ITGA3: variants seen among roughly 807,000 people sequenced by gnomAD.
ITGA3 encodes integrin subunit alpha 3, also known as integrin alpha-3.
Under a neutral mutation model 131.1 loss-of-function variants are expected in ITGA3, and 70 were observed. The ratio of observed to expected loss-of-function variants is 0.53; its 90% CI spans 0.44 to 0.65. The LOEUF is 0.65. ITGA3 is among the 30% of genes least tolerant of loss of function. The pLI, the probability that ITGA3 is intolerant of heterozygous loss-of-function variation, is 0.00. For synonymous variants in ITGA3, 537 were observed against 571.6 expected (o/e 0.94, Z 0.86); for missense variants, 1,098 against 1,388.6 (o/e 0.79, Z 3.33).
At chr17:50,075,431 C>A in intron 10 of ITGA3, 28 bp from the exon 11 acceptor site, 1 of 1,612,854 alleles carries the variant, frequency 6.2e-7, no homozygotes, top group Non-Finnish European at 8.5e-7. Context: ...CCCACTGTGA[C>A]CCGCCCTCCT....
At chr17:50,069,262 G>T (rs1908505296) in intron 4 of ITGA3, among the ~76,000 whole-genome samples, 1 of 152,192 alleles carries the variant, frequency 6.6e-6, no homozygotes, top group Non-Finnish European at 1.5e-5. Flanking sequence ...ATGAAACCTG[G>T]ATTGGAATAC....
rs764402692 is a variant in ITGA3, at chr17:50,088,384, C to A, written c.*31+18C>A. On this transcript the variant is annotated intron_variant, in intron 25 of 25. Coordinates refer to ENST00000320031, the MANE Select transcript of ITGA3 (RefSeq NM_002204.4). ...CCACCTGGGTAACACGGCCTCCGGG[C>A]CCCCTTCCCCGAGCCCCACAGCTGG... 7.3e-7 allele frequency: 1 copy of A among 1,370,142 alleles called. No individual in the cohort carries two copies. 84.9% of individuals were successfully genotyped at this position (1,370,142 alleles called of 1,614,324 possible).
rs370814972 is a variant in ITGA3, at chr17:50,075,634, C to A, written c.1573C>A (p.Arg525=). The A allele has an allele frequency of 6.2e-7, 1 of 1,614,230 alleles. No homozygotes were observed. The highest frequency in any genetic ancestry group is 8.5e-7 in the Non-Finnish European group (1 of 1,180,048). ...CACTCTGGAGGCTGACAGGGACCGC[C>A]GGCCGCCCCGGCTCCGCTTTGCCGG... is the stretch of plus-strand genomic sequence containing the variant. ...AYTLEADRDR[R]PPRLRFAGSE... Residue 525 remains arginine, a synonymous_variant, in exon 12 of 26, where the codon CGG becomes AGG. Transcript: ENST00000320031.
rs1267584880 is a variant in ITGA3 at position 50,074,138 on chromosome 17, C to T, written c.1246-6C>T. On this transcript the variant is annotated splice_region_variant and splice_polypyrimidine_tract_variant and intron_variant, in intron 8 of 25. Coordinates refer to ENST00000320031, the MANE Select transcript of ITGA3 (RefSeq NM_002204.4). ...GCCTGCCCCCACCACTTTCCCCTGC[C>T]CCCAGGTAATCCATGGAGAGAAGCT... 8 of 1,613,108 alleles carry T rather than the reference C, an allele frequency of 5.0e-6. No individual in the cohort carries two copies. In the African/African-American group the frequency reaches 9.3e-5, roughly 19 times the overall value.
chr17:50,076,935 G>A (rs1325520417), intron 14 of ITGA3, 39 bp from the exon 15 acceptor site: 3 of 1,578,956 alleles, frequency 1.9e-6, no homozygotes, highest in Non-Finnish European at 2.6e-6. Flanking sequence ...GTGCCCTGGG[G>A]GCGGGGCTCT....
chr17:50,067,995 G>A (rs534708438), intron 3 of ITGA3, 61 bp from the exon 4 acceptor site: 1 of 1,602,068 alleles, frequency 6.2e-7, no homozygotes, highest in Admixed American at 1.7e-5. Context: ...CAGGGTAAAA[G>A]AGACAGCTGA....
intron 23 of ITGA3, 64 bp from the exon 24 acceptor site, chr17:50,087,680 A>T: frequency 6.5e-7 from 1 of 1,536,808 alleles, no homozygotes; most frequent in Non-Finnish European, 8.9e-7. Context: ...CAGCTAGGAT[A>T]GGAAGGGTGA....
chr17:50,076,542 G>GC (rs1206769604), intron 13 of ITGA3, 42 bp from the exon 14 acceptor site: 1 of 1,233,732 alleles, frequency 8.1e-7, no homozygotes, highest in Admixed American at 2.8e-5. Flanking sequence ...AGAGGGCACT[G>GC]GGGGGGGTGG....
chr17:50,076,550 T>G (rs920059667), intron 13 of ITGA3, 34 bp from the exon 14 acceptor site: 68 of 1,601,614 alleles, frequency 4.2e-5, no homozygotes, highest in African/African-American at 6.8e-5. Flanking sequence ...CTGGGGGGGG[T>G]GGTGCGGCCT....
chr17:50,076,233 G>A, intron 12 of ITGA3, 93 bp from the exon 13 acceptor site: 1 of 1,369,546 alleles, frequency 7.3e-7, no homozygotes, highest in Non-Finnish European at 9.8e-7. Flanking sequence ...TGGGGGGCGG[G>A]TCCAGCTCTT....
rs752295202 is a variant in ITGA3 at position 50,076,313 on chromosome 17, CCT to C, written c.1675-7_1675-6del. On this transcript the variant is annotated splice_polypyrimidine_tract_variant and intron_variant, in intron 12 of 25. Coordinates refer to ENST00000320031, the MANE Select transcript of ITGA3 (RefSeq NM_002204.4). ...CAGTGCAGGGCCGGGCTCAGCTCAC[CCT>C]CTCTCCCCAGGACAACCTCCGTGAC... The C allele has an allele frequency of 6.2e-7, 1 of 1,611,830 alleles. No homozygotes were observed. Among genetic ancestry groups the C allele is most frequent in the Non-Finnish European group, 8.5e-7 (1 of 1,178,924 alleles).
At chr17:50,073,230 T>C (rs752070003) in intron 7 of ITGA3, among the ~76,000 whole-genome samples, 1 of 152,166 alleles carries the variant, frequency 6.6e-6, no homozygotes, top group African/African-American at 2.4e-5. Context: ...GTGGAGATAA[T>C]GATTAGAATG....
rs192053055 is a variant in ITGA3, at chr17:50,080,413, C to T, written c.2820+38C>T. On this transcript the variant is annotated intron_variant, in intron 22 of 25. Transcript: ENST00000320031. ...GTCTGAAGGTCTCTCCTACCATCCACCCTGAGGGGGAGAACAACAGGGAGA... is the reference window on the plus strand; with the variant it reads ...GTCTGAAGGTCTCTCCTACCATCCATCCTGAGGGGGAGAACAACAGGGAGA... 455 of 1,292,504 alleles carry T rather than the reference C, an allele frequency of 3.5e-4. 4 individuals are homozygous for T. In the Admixed American group the frequency reaches 6.6e-3, roughly 19 times the overall value. The allele number at this position is 1,292,504 out of a possible 1,614,324, so 80.1% of individuals were successfully genotyped here.
Position 50,064,741 on chromosome 17 carries a change from C to T in ITGA3, c.414+134C>T. 4 of 651,302 alleles carry T rather than the reference C, an allele frequency of 6.1e-6. No homozygotes were observed. The highest frequency in any genetic ancestry group is 1.0e-5 in the Non-Finnish European group (4 of 381,802). The allele number at this position is 651,302 out of a possible 1,614,324, so 40.3% of individuals were successfully genotyped here. A position where few individuals can be genotyped will look rare whatever the true frequency, so the allele number is the denominator to read the frequency against. The stretch of plus-strand genomic sequence containing the variant: ...CTGGGGCCTGCACACATGTCCCTTC[C>T]TGTGGCTGTGTGTCCCTCGCTCTCT... On this transcript the variant is annotated intron_variant, in intron 3 of 25. Transcript: ENST00000320031. This position sits in a 1 kb window ranked among gnomAD's most constrained non-coding sequence, Gnocchi z 4.4.
intron 23 of ITGA3, among the ~76,000 whole-genome samples, chr17:50,083,130 T>C (rs1160165632): frequency 1.3e-5 from 2 of 152,190 alleles, no homozygotes; most frequent in Non-Finnish European, 2.9e-5. Context: ...AATAGAACTT[T>C]ATGGTACAGA....
chr17:50,076,394 C>T lies in ITGA3; in HGVS notation c.1743C>T (p.Pro581=), dbSNP rs769624462. The change falls in exon 13 of 26, where the codon CCC becomes CCT. Residue 581 remains proline, a synonymous_variant. Coordinates refer to ENST00000320031, the MANE Select transcript of ITGA3 (RefSeq NM_002204.4). The part of the protein sequence containing the change: ...SMNYSLPLRM[P]DRPRLGLRSL... ...ACTACTCTTTACCTTTGCGGATGCC[C>T]GATCGCCCCCGGCTGGGGCTGCGGT... 5 of 1,613,012 alleles carry T rather than the reference C, an allele frequency of 3.1e-6. No individual in the cohort carries two copies. Among genetic ancestry groups the T allele is most frequent in the South Asian group, 1.1e-5 (1 of 91,076 alleles).
intron 3 of ITGA3, chr17:50,065,665 G>A (rs1410201715): frequency 6.6e-6 from 1 of 151,146 alleles, no homozygotes; most frequent in East Asian, 1.9e-4. Flanking sequence ...AGCAGGCAAA[G>A]AGAGAATGAG....
At position 50,079,271 on chromosome 17, in the gene ITGA3, T is replaced by C. The variant is rs766391108; in HGVS notation, c.2583+13T>C. 6 of 1,612,416 alleles carry C rather than the reference T, an allele frequency of 3.7e-6. No individual in the cohort carries two copies. In the Admixed American group the frequency reaches 6.7e-5, roughly 18 times the overall value. Reference sequence around the variant, plus strand: ...CCTCACTCTTTCTGTAAGGACACTATCAGGGATATTTCATTTGCATGCTAC... The same window carrying C: ...CCTCACTCTTTCTGTAAGGACACTACCAGGGATATTTCATTTGCATGCTAC... On this transcript the variant is annotated intron_variant, in intron 20 of 25. Coordinates refer to ENST00000320031, the MANE Select transcript of ITGA3 (RefSeq NM_002204.4).
chr17:50,069,790 A>G (rs954071678), intron 4 of ITGA3, among the ~76,000 whole-genome samples: 1 of 152,224 alleles, frequency 6.6e-6, no homozygotes, highest in Non-Finnish European at 1.5e-5. Flanking sequence ...GTAAAAGACC[A>G]TGCTTGTAAA....
Sources: gnomAD v4.1 joint callset for allele counts (sites outside exome capture counted in the v4.1 genomes callset) on GRCh38, gnomAD v4.1.1 for gene constraint, Gnocchi (gnomAD v3.1) non-coding constraint, MANE v1.5 for transcripts, NCBI Gene and HGNC (gene_info 2026-07-23, HGNC 2026-07-21) for gene names.